The following FAM184A variants were observed in gnomAD, a reference collection of about 807,000 sequenced individuals.
FAM184A encodes the protein family with sequence similarity 184 member A, also known as protein FAM184A.
In FAM184A, 99 loss-of-function variants were observed where a neutral mutation model predicts 143.8. The observed-to-expected ratio is 0.69, with a 90% confidence interval of 0.58 to 0.81. The LOEUF (loss-of-function observed/expected upper bound fraction) is 0.81. Ranked by LOEUF, FAM184A falls within the 40% of genes least tolerant of loss-of-function variation. The pLI is 0.00. For synonymous variants in FAM184A, 427 were observed against 446.4 expected, an observed-to-expected ratio of 0.96 and a Z score of 0.55; for missense variants, 1,217 against 1,310.5, an observed-to-expected ratio of 0.93 and a Z score of 1.10.
chr6:119,052,584 C>T (rs1325825352), intron 1 of FAM184A, among the ~76,000 whole-genome samples: 1 of 152,174 alleles, frequency 6.6e-6, no homozygotes, highest in Non-Finnish European at 1.5e-5. Flanking sequence ...TGCAGCCTGC[C>T]GATGGTTTCC....
intron 4 of FAM184A, among the ~76,000 whole-genome samples, chr6:119,017,220 C>T (rs1248134964): frequency 1.3e-5 from 2 of 152,122 alleles, no homozygotes; most frequent in African/African-American, 2.4e-5. Context: ...AGGGCTGGGC[C>T]GGGTGCAGTG....
At chr6:118,978,293 G>A (rs994415652) in intron 11 of FAM184A, among the ~76,000 whole-genome samples, 3 of 152,154 alleles carry the variant, frequency 2.0e-5, no homozygotes, top group African/African-American at 7.2e-5. Context: ...ATGTTTAGTG[G>A]AGCATGTTTC....
rs1276363594 is a variant in FAM184A at position 119,061,542 on chromosome 6, T to C, written c.159+16599A>G. 5.3e-5 allele frequency among the ~76,000 whole-genome samples: 7 copies of C among 132,326 alleles called. 1 individual carries two copies. The highest frequency in any genetic ancestry group is 8.7e-5 in the African/African-American group (3 of 34,450). 86.8% of individuals were successfully genotyped at this position (132,326 alleles called of 152,430 possible). ...GGCTAATTATTTTTCTTTTTTTTTT[T>C]TTTTTTTTTTTTTTTTGTAGAGATG... On this transcript the variant is annotated intron_variant, in intron 1 of 17. Transcript: ENST00000338891.
intron 1 of FAM184A, among the ~76,000 whole-genome samples, chr6:119,028,007 C>T (rs772301453): frequency 2.0e-5 from 3 of 151,966 alleles, no homozygotes; most frequent in Non-Finnish European, 4.4e-5. Flanking sequence ...AATGTCCTGC[C>T]CTTTTAAGCT....
At chr6:119,091,285 A>G (rs1448018589) in intron 1 of FAM184A, among the ~76,000 whole-genome samples, 1 of 152,214 alleles carries the variant, frequency 6.6e-6, no homozygotes, top group African/African-American at 2.4e-5. Context: ...GTCGCTGGGT[A>G]TGACGGTGAG....
chr6:118,989,116 T>C (rs1268970032), intron 9 of FAM184A, among the ~76,000 whole-genome samples: 1 of 151,916 alleles, frequency 6.6e-6, no homozygotes, highest in Non-Finnish European at 1.5e-5. Context: ...CGCCTGCCAC[T>C]GCGCCCGGCT....
intron 1 of FAM184A, among the ~76,000 whole-genome samples, chr6:119,096,229 G>A (rs887804447): frequency 3.8e-4 from 58 of 152,126 alleles, no homozygotes; most frequent in Non-Finnish European, 7.2e-4. Context: ...CATGACACTT[G>A]TTTTCTTCAC....
At chr6:119,061,531 C>CCTTT (rs1787243876) in intron 1 of FAM184A, among the ~76,000 whole-genome samples, 3 of 58,530 alleles carry the variant, frequency 5.1e-5, no homozygotes, top group African/African-American at 2.2e-4. Context: ...AATTATTTTT[C>CCTTT]TTTTTTTTTT....
At chr6:119,085,935 C>G (rs1353431703) in intron 1 of FAM184A, among the ~76,000 whole-genome samples, 1 of 152,112 alleles carries the variant, frequency 6.6e-6, no homozygotes, top group African/African-American at 2.4e-5. Flanking sequence ...GTCACCCATT[C>G]ATTATCATGA....
intron 1 of FAM184A, among the ~76,000 whole-genome samples, chr6:119,134,933 A>AT (rs1212035610): frequency 1.6e-4 from 24 of 152,262 alleles, no homozygotes; most frequent in African/African-American, 5.1e-4. Flanking sequence ...ATGTCCAGAA[A>AT]TTTTTGCAAT....
intron 1 of FAM184A, among the ~76,000 whole-genome samples, chr6:119,142,712 G>A (rs895585814): frequency 1.3e-5 from 2 of 152,178 alleles, no homozygotes; most frequent in Non-Finnish European, 2.9e-5. Context: ...TCCTGGAGGA[G>A]GAGTGTTGTG....
At chr6:118,995,730 A>G (rs1289770411) in intron 9 of FAM184A, among the ~76,000 whole-genome samples, 3 of 152,254 alleles carry the variant, frequency 2.0e-5, no homozygotes, top group Non-Finnish European at 4.4e-5. Flanking sequence ...TCGGTCTAAC[A>G]TAACTTCATA....
At chr6:119,008,570 A>T (rs1163756185) in intron 6 of FAM184A, among the ~76,000 whole-genome samples, 1 of 152,226 alleles carries the variant, frequency 6.6e-6, no homozygotes, top group Non-Finnish European at 1.5e-5. Context: ...CTTTACAGTC[A>T]CATGAGTCAA....
chr6:119,118,881 C>G (rs535303539), intron 1 of FAM184A, among the ~76,000 whole-genome samples: 2 of 152,268 alleles, frequency 1.3e-5, no homozygotes, highest in African/African-American at 4.8e-5. Context: ...CGCCAGTGAG[C>G]TGGGCAGAAC....
intron 1 of FAM184A, among the ~76,000 whole-genome samples, chr6:119,096,108 T>G (rs1788499163): frequency 6.6e-6 from 1 of 152,138 alleles, no homozygotes; most frequent in Non-Finnish European, 1.5e-5. Context: ...AATCACCCCT[T>G]TGAGGTGGTG....
In FAM184A at chr6:118,960,157, C is replaced by A; in HGVS notation, c.3369G>T (p.Val1123=). 6.2e-7 allele frequency: 1 copy of A among 1,612,306 alleles called. No homozygotes were observed. Among genetic ancestry groups the A allele is most frequent in the Non-Finnish European group, 8.5e-7 (1 of 1,179,382 alleles). Residue 1123 remains valine, a synonymous_variant, in exon 18 of 18, where the codon GTG becomes GTT. Transcript: ENST00000338891. ...LSPAQSEASP[V]ASPDPQRQEW... is the part of the protein sequence containing the mutation. ...CCTGGCGCTGGGGATCTGGAGAAGC[C>A]ACTGGAGAAGCTTCACTCTGAGCAG...
Position 119,078,085 on chromosome 6 carries a change from T to A in FAM184A, c.159+56A>T. ...GCGCACTGCCTCCCGGGGAGACAGG[T>A]GAGTCCGGCGCGGCCCGCACGGGGT... On this transcript the variant is annotated intron_variant, in intron 1 of 17. Coordinates refer to ENST00000338891, the MANE Select transcript of FAM184A (RefSeq NM_024581.6). This position sits in a 1 kb window ranked among gnomAD's most constrained non-coding sequence, Gnocchi z 5.5. The A allele has an allele frequency of 6.5e-7, 1 of 1,532,104 alleles. No homozygotes were observed. Among genetic ancestry groups the A allele is most frequent in the South Asian group, 1.2e-5 (1 of 82,878 alleles). The allele number at this position is 1,532,104 out of a possible 1,614,324, so 94.9% of individuals were successfully genotyped here.
At chr6:119,102,554 G>A (rs867295628) in intron 1 of FAM184A, among the ~76,000 whole-genome samples, 1 of 151,912 alleles carries the variant, frequency 6.6e-6, no homozygotes, top group Non-Finnish European at 1.5e-5. Context: ...TTGGAAGGCC[G>A]AGGTAGGTAG....
At chr6:119,011,235 C>T in intron 6 of FAM184A, 74 bp downstream of exon 6, 1 of 1,286,922 alleles carries the variant, frequency 7.8e-7, no homozygotes, top group Non-Finnish European at 1.1e-6. Flanking sequence ...ACTTACCTAC[C>T]TATACAATGT....
Sources: gnomAD v4.1 joint callset for allele counts (sites outside exome capture counted in the v4.1 genomes callset) on GRCh38, gnomAD v4.1.1 for gene constraint, Gnocchi (gnomAD v3.1) non-coding constraint, MANE v1.5 for transcripts, NCBI Gene and HGNC (gene_info 2026-07-23, HGNC 2026-07-21) for gene names.